The following EYS variants were observed in gnomAD, a reference collection of about 807,000 sequenced individuals.
EYS encodes EGF-like photoreceptor maintenance factor, also known as protein eyes shut homolog.
In EYS, 250 loss-of-function variants were observed where a neutral mutation model predicts 282.1. That is an observed-to-expected ratio of 0.89 (90% CI 0.80 to 0.98). The LOEUF is 0.98. Among genes scored for constraint, EYS ranks in the 50% least tolerant of loss-of-function variants. The pLI is 0.00. For missense variants in EYS, 4,016 were observed against 3,709.0 expected (o/e 1.08, Z -2.15); for synonymous variants, 1,355 against 1,282.9 (o/e 1.06, Z -1.20).
chr6:64,370,284 T>C (rs1298923906), intron 29 of EYS, among the ~76,000 whole-genome samples: 3 of 152,070 alleles, frequency 2.0e-5, no homozygotes, highest in Non-Finnish European at 4.4e-5. Context: ...GTGATGTCCA[T>C]GTGGTTATTT....
chr6:64,735,581 G>A (rs1292474744), intron 22 of EYS, among the ~76,000 whole-genome samples: 1 of 152,102 alleles, frequency 6.6e-6, no homozygotes, highest in African/African-American at 2.4e-5. Flanking sequence ...TACATAGCAA[G>A]TAAAGTATAT....
chr6:65,705,836 C>T (rs974350005), intron 1 of EYS, among the ~76,000 whole-genome samples: 2 of 151,958 alleles, frequency 1.3e-5, no homozygotes, highest in Non-Finnish European at 2.9e-5. Flanking sequence ...AAGTTAAAAA[C>T]TGAGAATTAT....
Position 63,919,687 on chromosome 6 carries a change from A to T in EYS, c.7056-55329T>A, listed in dbSNP as rs117242012. The stretch of plus-strand genomic sequence containing the variant: ...TCCTGGGATGATTTCCCTAGGTGAA[A>T]GGAAAGTGGCGAAGCCACAGTTACT... On this transcript the variant is annotated intron_variant, in intron 35 of 42. Coordinates refer to ENST00000503581, the MANE Select transcript of EYS (RefSeq NM_001142800.2). 1.6e-3 allele frequency among the ~76,000 whole-genome samples: 250 copies of T among 152,348 alleles called. 3 individuals carry two copies. In the East Asian group the frequency reaches 0.042, roughly 25 times the overall value.
intron 30 of EYS, among the ~76,000 whole-genome samples, chr6:64,306,101 A>G (rs1769434778): frequency 1.3e-5 from 2 of 151,554 alleles, no homozygotes; most frequent in Admixed American, 1.3e-4. Context: ...ATATACAAAC[A>G]TCCAATATAT....
intron 11 of EYS, among the ~76,000 whole-genome samples, chr6:65,333,614 T>G (rs1165623466): frequency 1.3e-5 from 2 of 151,634 alleles, no homozygotes; most frequent in East Asian, 3.9e-4. Flanking sequence ...GTGTTATATC[T>G]GCTATTGAAA....
At chr6:65,392,543 T>A (rs1019889915) in intron 7 of EYS, among the ~76,000 whole-genome samples, 1 of 152,188 alleles carries the variant, frequency 6.6e-6, no homozygotes, top group Non-Finnish European at 1.5e-5. Flanking sequence ...AAAGAAGACA[T>A]TTGTGCAGGC....
chr6:65,604,756 C>T (rs354402), intron 2 of EYS, among the ~76,000 whole-genome samples: 8,385 of 151,244 alleles, frequency 0.055, 485 homozygotes, highest in East Asian at 0.16. Context: ...ATTGTTTGTG[C>T]CACGAGTTTA....
chr6:63,720,799 C>A lies in EYS; in HGVS notation c.9232G>T (p.Ala3078Ser). 1.3e-6 allele frequency: 2 copies of A among 1,550,976 alleles called. No homozygotes were observed. Among genetic ancestry groups the A allele is most frequent in the Non-Finnish European group, 1.7e-6 (2 of 1,146,558 alleles). ...TAACAAATGCCATCATAGTTTAGAGCCACAAAGTTTTTATGTGGATCAATA... is the reference window on the plus strand; with the variant it reads ...TAACAAATGCCATCATAGTTTAGAGACACAAAGTTTTTATGTGGATCAATA... ...EDIDPHKNFV[A>S]LNYDGICYLG... The change falls in exon 43 of 43, where the codon GCT (alanine) becomes TCT (serine). Residue 3078 changes from alanine (A) to serine (S), a missense_variant. By Grantham distance (99) the Ala-to-Ser change is moderately conservative. Coordinates refer to ENST00000503581, the MANE Select transcript of EYS (RefSeq NM_001142800.2).
chr6:64,999,800 T>C (rs928318515), intron 13 of EYS, among the ~76,000 whole-genome samples: 1 of 152,036 alleles, frequency 6.6e-6, no homozygotes, highest in African/African-American at 2.4e-5. Flanking sequence ...CAGAACAACA[T>C]GGAGTTTTGC....
intron 13 of EYS, among the ~76,000 whole-genome samples, chr6:65,032,646 G>A (rs1389410372): frequency 2.0e-5 from 3 of 151,812 alleles, no homozygotes; most frequent in Admixed American, 1.3e-4. Context: ...TGTAAAGCCT[G>A]CAGAACGGTG....
intron 30 of EYS, among the ~76,000 whole-genome samples, chr6:64,288,088 C>G (rs962209937): frequency 6.6e-6 from 1 of 152,086 alleles, no homozygotes; most frequent in African/African-American, 2.4e-5. Flanking sequence ...AATCACACTT[C>G]GAAAAGCCAG....
intron 30 of EYS, among the ~76,000 whole-genome samples, chr6:64,295,764 A>G (rs1731167080): frequency 6.6e-6 from 1 of 151,612 alleles, no homozygotes; most frequent in Non-Finnish European, 1.5e-5. Context: ...TGCCACTCCA[A>G]AGAAAACAGC....
At chr6:65,197,500 G>A (rs534147379) in intron 12 of EYS, among the ~76,000 whole-genome samples, 3 of 152,170 alleles carry the variant, frequency 2.0e-5, no homozygotes, top group East Asian at 1.9e-4. Context: ...AATATTATGC[G>A]AACTGGAGAG....
At chr6:64,012,972 C>T (rs1411021913) in intron 33 of EYS, among the ~76,000 whole-genome samples, 1 of 152,118 alleles carries the variant, frequency 6.6e-6, no homozygotes, top group African/African-American at 2.4e-5. Flanking sequence ...CTGAGCACTT[C>T]CTGCCTCTGG....
chr6:65,083,797 A>G (rs968125790), intron 12 of EYS, among the ~76,000 whole-genome samples: 2 of 151,638 alleles, frequency 1.3e-5, no homozygotes, highest in East Asian at 3.9e-4. Context: ...CACTTTCATA[A>G]TATACTTTTT....
intron 26 of EYS, among the ~76,000 whole-genome samples, chr6:64,461,286 A>C (rs1728059552): frequency 1.3e-5 from 2 of 152,194 alleles, no homozygotes; most frequent in African/African-American, 2.4e-5. Flanking sequence ...ATTTTTTCTC[A>C]ATTATTTGCA....
At chr6:64,720,142 C>A (rs2149942410) in intron 22 of EYS, among the ~76,000 whole-genome samples, 1 of 152,278 alleles carries the variant, frequency 6.6e-6, no homozygotes, top group East Asian at 1.9e-4. Flanking sequence ...AAGATAGAAT[C>A]TACTTCCTCA....
intron 13 of EYS, among the ~76,000 whole-genome samples, chr6:65,004,461 C>G (rs1466129652): frequency 6.8e-6 from 1 of 147,706 alleles, no homozygotes; most frequent in African/African-American, 2.4e-5. Context: ...AACTCACTGT[C>G]ATAGCAATAT....
intron 41 of EYS, among the ~76,000 whole-genome samples, chr6:63,733,972 G>A (rs1768844579): frequency 6.6e-6 from 1 of 152,068 alleles, no homozygotes; most frequent in African/African-American, 2.4e-5. Context: ...AAAACAGCCA[G>A]TACCTTTAAT....
Sources: gnomAD v4.1 joint callset for allele counts (sites outside exome capture counted in the v4.1 genomes callset) on GRCh38, gnomAD v4.1.1 for gene constraint, MANE v1.5 for transcripts, NCBI Gene and HGNC (gene_info 2026-07-23, HGNC 2026-07-21) for gene names.